The following FAT3 variants were observed in gnomAD, a reference collection of about 807,000 sequenced individuals.
FAT3 encodes FAT atypical cadherin 3.
A neutral mutation model predicts 310.2 loss-of-function variants in FAT3; 95 were observed. The ratio of observed to expected loss-of-function variants is 0.31; its 90% CI spans 0.26 to 0.36. The LOEUF is 0.36. Among genes scored for constraint, FAT3 ranks in the 10% least tolerant of loss-of-function variants. The pLI is 1.00. For synonymous variants in FAT3, 2,314 were observed against 2,192.9 expected (o/e 1.06, Z -1.54); for missense variants, 5,408 against 5,715.6 (o/e 0.95, Z 1.74).
intron 10 of FAT3, 142 bp from the exon 11 acceptor site, chr11:92,805,011 G>C (rs1591758967): frequency 1.4e-6 from 1 of 696,432 alleles, no homozygotes; most frequent in East Asian, 2.9e-5. Context: ...AGAATCAAAG[G>C]GAGTCTCAGT....
In FAT3 at chr11:92,798,386, G is replaced by A. The variant is rs1565602509; in HGVS notation, c.5373G>A (p.Leu1791=). ...CAATTAATAGCATTGTCAGGAGCTTGGATAACAGCCCACTGGTGATTCGAG... is the reference window on the plus strand; with the variant it reads ...CAATTAATAGCATTGTCAGGAGCTTAGATAACAGCCCACTGGTGATTCGAG... The part of the protein sequence containing the change: ...AAPINSIVRS[L]DNSPLVIRAT... The change falls in exon 10 of 28, where the codon TTG becomes TTA. Residue 1791 remains leucine (L), a synonymous_variant. Coordinates refer to ENST00000525166, the MANE Select transcript of FAT3 (RefSeq NM_001367949.2). The A allele has an allele frequency of 1.2e-6, 2 of 1,613,112 alleles. No homozygotes were observed. The highest frequency in any genetic ancestry group is 1.7e-5 in the Admixed American group (1 of 59,956).
Position 92,229,490 on chromosome 11 carries a change from G to GTTTTTTTTTTTTTTTTTTTTTTTTTTTTT in FAT3, c.-18+4317_-18+4318insTTTTTTTTTTTTTTTTTTTTTTTTTTTTT. Among the ~76,000 whole-genome samples, 23 of 46,852 alleles carry GTTTTTTTTTTTTTTTTTTTTTTTTTTTTT rather than the reference G, an allele frequency of 4.9e-4. 5 individuals are homozygous for GTTTTTTTTTTTTTTTTTTTTTTTTTTTTT. Among genetic ancestry groups the GTTTTTTTTTTTTTTTTTTTTTTTTTTTTT allele is most frequent in the African/African-American group, 5.3e-4 (7 of 13,140 alleles). The allele number at this position is 46,852 out of a possible 152,430, so 30.7% of individuals were successfully genotyped here. On this transcript the variant is annotated intron_variant, in intron 1 of 27. Coordinates refer to ENST00000525166, the MANE Select transcript of FAT3 (RefSeq NM_001367949.2). ...CCTTGTTTTCTTTTTTTGTTTTTTC[G>GTTTTTTTTTTTTTTTTTTTTTTTTTTTTT]TGTTTTTTTTTTTTTTGTTTTTTGT...
chr11:92,799,319 G>A lies in FAT3; in HGVS notation c.6306G>A (p.Leu2102=). 2 of 1,613,876 alleles carry A rather than the reference G, an allele frequency of 1.2e-6. No individual in the cohort carries two copies. The highest frequency in any genetic ancestry group is 8.5e-7 in the Non-Finnish European group (1 of 1,179,858). ...AVQVDAEPGT[L]IYQVTAIDKD... is the part of the protein sequence containing the mutation. ...AAGTGGATGCGGAACCCGGGACTCT[G>A]ATTTATCAGGTGACAGCCATTGACA... Residue 2102 remains leucine, a synonymous_variant, in exon 10 of 28, where the codon CTG becomes CTA. Coordinates refer to ENST00000525166, the MANE Select transcript of FAT3 (RefSeq NM_001367949.2).
rs866833607 is a variant in FAT3, at chr11:92,355,146, G to A, written c.3034G>A (p.Ala1012Thr). ...GCAGTTCTATAACCTTACTGTGCGG[G>A]CCAAAGACAAAGGGCGGCCTGTCTC... is the stretch of plus-strand genomic sequence containing the variant. ...KQQFYNLTVRAKDKGRPVSLS... is the reference protein window; with the variant it reads ...KQQFYNLTVRTKDKGRPVSLS... Residue 1012 changes from alanine (A) to threonine (T), a missense_variant, in exon 2 of 28, where the codon GCC (alanine) becomes ACC (threonine). Ala to Thr is a moderately conservative substitution (Grantham distance 58). Transcript: ENST00000525166. 5.0e-6 allele frequency: 8 copies of A among 1,613,626 alleles called. No individual in the cohort carries two copies. Among genetic ancestry groups the A allele is most frequent in the Non-Finnish European group, 6.8e-6 (8 of 1,179,850 alleles).
chr11:92,469,159 G>A (rs183199787), intron 2 of FAT3, among the ~76,000 whole-genome samples: 153 of 152,278 alleles, frequency 1.0e-3, no homozygotes, highest in African/African-American at 3.5e-3. Context: ...AGGCAGGCAT[G>A]TGGGATCTTG....
chr11:92,606,162 C>T (rs968839628), intron 3 of FAT3, among the ~76,000 whole-genome samples: 1 of 152,144 alleles, frequency 6.6e-6, no homozygotes, highest in South Asian at 2.1e-4. Context: ...GAAACTATGC[C>T]AGTGTTTTCT....
At position 92,800,183 on chromosome 11, in the gene FAT3, C is replaced by G. The variant is rs1454418370; in HGVS notation, c.7170C>G (p.Asn2390Lys). ...TCTACATCTCTGATGTAAATGACAA[C>G]CCTCCAGTTTTTAATCAGCTCATTT... ...VHIYISDVND[N>K]PPVFNQLIYE... The change falls in exon 10 of 28, where the codon AAC becomes AAG. Residue 2390 changes from asparagine to lysine, a missense_variant. Asn to Lys is a moderately conservative substitution (Grantham distance 94). Around this residue, in one of 5 missense-constraint regions of FAT3, gnomAD observed 4,588 missense variants for 4,809.8 expected, o/e 0.95. Transcript: ENST00000525166. 3 of 1,613,834 alleles carry G rather than the reference C, an allele frequency of 1.9e-6. No individual in the cohort carries two copies. The highest frequency in any genetic ancestry group is 2.5e-6 in the Non-Finnish European group (3 of 1,179,886).
At chr11:92,493,399 C>G (rs1365043625) in intron 2 of FAT3, among the ~76,000 whole-genome samples, 1 of 152,104 alleles carries the variant, frequency 6.6e-6, no homozygotes, top group Non-Finnish European at 1.5e-5. Context: ...TAGAGTTCCC[C>G]TGGCCTGGAC....
chr11:92,354,602 T>A lies in FAT3; in HGVS notation c.2490T>A (p.Val830=), dbSNP rs1948677866. ...NVEDANDNSP[V]FIQDSYSVNI... Reference sequence around the variant, plus strand: ...AGGATGCTAATGACAATAGCCCAGTTTTTATTCAAGACAGTTACTCAGTTA... The same window carrying A: ...AGGATGCTAATGACAATAGCCCAGTATTTATTCAAGACAGTTACTCAGTTA... The change falls in exon 2 of 28, where the codon GTT becomes GTA. Residue 830 remains valine, a synonymous_variant. Transcript: ENST00000525166. 2.5e-6 allele frequency: 4 copies of A among 1,613,780 alleles called. No individual in the cohort carries two copies. The highest frequency in any genetic ancestry group is 2.7e-5 in the African/African-American group (2 of 75,016).
chr11:92,240,275 AT>A (rs1464484779), intron 1 of FAT3, among the ~76,000 whole-genome samples: 1 of 152,088 alleles, frequency 6.6e-6, no homozygotes, highest in African/African-American at 2.4e-5. Flanking sequence ...AACTTGTGAC[AT>A]TTAAAGCTTG....
In FAT3 at chr11:92,746,637, G is replaced by A. The variant is rs538849938; in HGVS notation, c.3670-15219G>A. ...TTAACTCAAAAGTCCACAGTCCAAA[G>A]TCTCATCTGAGACAAGGCAAGTCCC... is the stretch of plus-strand genomic sequence containing the variant. On this transcript the variant is annotated intron_variant, in intron 4 of 27. Coordinates refer to ENST00000525166, the MANE Select transcript of FAT3 (RefSeq NM_001367949.2). 1.9e-4 allele frequency among the ~76,000 whole-genome samples: 29 copies of A among 152,206 alleles called. No homozygotes were observed. In the South Asian group the frequency reaches 6.0e-3, roughly 32 times the overall value.
At chr11:92,578,801 G>C (rs561947060) in intron 3 of FAT3, among the ~76,000 whole-genome samples, 2 of 152,180 alleles carry the variant, frequency 1.3e-5, no homozygotes, top group African/African-American at 4.8e-5. Flanking sequence ...GATCACTTAT[G>C]AGAGAAGCTT....
At chr11:92,503,397 A>G (rs868276678) in intron 2 of FAT3, among the ~76,000 whole-genome samples, 1 of 152,122 alleles carries the variant, frequency 6.6e-6, no homozygotes, top group Admixed American at 6.6e-5. Flanking sequence ...CATAGTAAAT[A>G]GTGTTTACTA....
chr11:92,241,775 G>A (rs1382901828), intron 1 of FAT3, among the ~76,000 whole-genome samples: 1 of 151,944 alleles, frequency 6.6e-6, no homozygotes, highest in Admixed American at 6.6e-5. Context: ...AAATATGCTT[G>A]TAAAAGTAAA....
chr11:92,548,482 C>G (rs76665231), intron 3 of FAT3, among the ~76,000 whole-genome samples: 3 of 152,186 alleles, frequency 2.0e-5, no homozygotes, highest in African/African-American at 7.2e-5. Flanking sequence ...GAAAAGGGAG[C>G]AGCAAAGAAA....
At chr11:92,767,152 G>A (rs1946334209) in intron 6 of FAT3, among the ~76,000 whole-genome samples, 1 of 151,868 alleles carries the variant, frequency 6.6e-6, no homozygotes, top group South Asian at 2.1e-4. Context: ...GGGAGGCTGA[G>A]GCAGGAGAAT....
intron 2 of FAT3, among the ~76,000 whole-genome samples, chr11:92,410,962 G>A (rs1950244299): frequency 6.7e-6 from 1 of 150,226 alleles, no homozygotes; most frequent in South Asian, 2.1e-4. Flanking sequence ...AGGTACTGTT[G>A]GTTTATGGGA....
intron 5 of FAT3, among the ~76,000 whole-genome samples, chr11:92,763,952 G>C (rs987824825): frequency 3.3e-5 from 5 of 152,140 alleles, no homozygotes; most frequent in Admixed American, 3.3e-4. Flanking sequence ...CATTGTCACT[G>C]TTTCGAAGGG....
intron 3 of FAT3, among the ~76,000 whole-genome samples, chr11:92,544,100 C>T (rs531653346): frequency 1.3e-5 from 2 of 152,254 alleles, no homozygotes; most frequent in South Asian, 2.1e-4. Flanking sequence ...CTGTAGTCAG[C>T]CCTTGTGTAG....
Sources: allele counts gnomAD v4.1 joint callset (sites outside exome capture counted in the v4.1 genomes callset), GRCh38; gene constraint gnomAD v4.1.1; regional missense constraint gnomAD v4.1.1; transcripts MANE v1.5; gene names NCBI Gene and HGNC (gene_info 2026-07-23, HGNC 2026-07-21).